SLC24A2: variants seen among roughly 807,000 people sequenced by gnomAD.
The protein encoded by SLC24A2 is sodium/potassium/calcium exchanger 2.
In SLC24A2, 36 loss-of-function variants were observed where a neutral mutation model predicts 62.0. The ratio of observed to expected loss-of-function variants is 0.58; its 90% CI spans 0.44 to 0.77. SLC24A2 has a LOEUF of 0.77. Among genes scored for constraint, SLC24A2 ranks in the 30% least tolerant of loss-of-function variants. The pLI, the probability that SLC24A2 is intolerant of heterozygous loss-of-function variation, is 0.00. For synonymous variants in SLC24A2, 358 were observed against 294.0 expected, an observed-to-expected ratio of 1.22 and a Z score of -2.23; for missense variants, 846 against 817.9, an observed-to-expected ratio of 1.03 and a Z score of -0.42.
the SLC24A2 span, among the ~76,000 whole-genome samples, chr9:19,942,923 A>G: frequency 6.6e-6 from 1 of 152,312 alleles, no homozygotes; most frequent in Non-Finnish European, 1.5e-5. Flanking sequence ...TTAGATCCAA[A>G]GAATGACCCC....
At chr9:20,128,086 T>A in the SLC24A2 span, among the ~76,000 whole-genome samples, 1 of 152,116 alleles carries the variant, frequency 6.6e-6, no homozygotes, top group African/African-American at 2.4e-5. Context: ...AATCGTGTAA[T>A]TTCAGATTGA....
chr9:19,526,216 T>C (rs557844473), intron 9 of SLC24A2, among the ~76,000 whole-genome samples: 33 of 152,358 alleles, frequency 2.2e-4, no homozygotes, highest in African/African-American at 7.7e-4. Context: ...TATTCCATTG[T>C]ATGGATATAC....
At chr9:19,741,333 G>T (rs972239235) in intron 2 of SLC24A2, among the ~76,000 whole-genome samples, 27 of 152,166 alleles carry the variant, frequency 1.8e-4, no homozygotes, top group African/African-American at 6.5e-4. Flanking sequence ...AGAAGGAAGA[G>T]GTTTGCTTCT....
Position 19,507,828 on chromosome 9 carries a change from G to A in SLC24A2, c.*8325C>T, listed in dbSNP as rs1321396414. On this transcript the variant is annotated 3_prime_UTR_variant, in exon 11 of 11. Transcript: ENST00000341998. Reference sequence around the variant, plus strand: ...TAGGGATGAGGATAGGGGTTACAATGCTCCTTTAAAACGGAGGCGAACAAA... The same window carrying A: ...TAGGGATGAGGATAGGGGTTACAATACTCCTTTAAAACGGAGGCGAACAAA... 1.3e-5 allele frequency: 2 copies of A among 152,190 alleles called. No homozygotes were observed. Among genetic ancestry groups the A allele is most frequent in the Non-Finnish European group, 1.5e-5 (1 of 68,036 alleles). 9.4% of individuals were successfully genotyped at this position (152,190 alleles called of 1,614,324 possible).
intron 2 of SLC24A2, among the ~76,000 whole-genome samples, chr9:19,701,214 A>C (rs1820347406): frequency 6.6e-6 from 1 of 152,264 alleles, no homozygotes; most frequent in Non-Finnish European, 1.5e-5. Context: ...ATCTGCATGT[A>C]CCATGACTGT....
At chr9:19,669,368 G>A (rs1046334686) in intron 2 of SLC24A2, among the ~76,000 whole-genome samples, 17 of 152,114 alleles carry the variant, frequency 1.1e-4, no homozygotes, top group Non-Finnish European at 2.2e-4. Flanking sequence ...CAATACTAAC[G>A]GCCCTAAAAT....
At chr9:19,622,437 A>C (rs1817930510) in intron 2 of SLC24A2, 138 bp from the exon 3 acceptor site, 2 of 807,024 alleles carry the variant, frequency 2.5e-6, no homozygotes, top group African/African-American at 1.7e-5. Flanking sequence ...AGTTAAGCCA[A>C]AACAGGGGAC....
At chr9:19,763,525 G>A (rs1032729764) in intron 2 of SLC24A2, among the ~76,000 whole-genome samples, 9 of 152,182 alleles carry the variant, frequency 5.9e-5, no homozygotes, top group Admixed American at 3.9e-4. Context: ...AGCATGAAGG[G>A]GTGTTGAATT....
the SLC24A2 span, among the ~76,000 whole-genome samples, chr9:20,149,386 T>C: frequency 6.6e-6 from 1 of 152,134 alleles, no homozygotes; most frequent in South Asian, 2.1e-4. Context: ...AGTTAGCAAA[T>C]AGTAACTTCC....
chr9:19,836,604 A>G, the SLC24A2 span, among the ~76,000 whole-genome samples: 1 of 152,220 alleles, frequency 6.6e-6, no homozygotes, highest in Non-Finnish European at 1.5e-5. Flanking sequence ...CCAACCAAAA[A>G]AAGTCCAGGA....
chr9:20,111,224 A>G, the SLC24A2 span, among the ~76,000 whole-genome samples: 1 of 152,138 alleles, frequency 6.6e-6, no homozygotes, highest in East Asian at 1.9e-4. Context: ...GAGAGCAGGA[A>G]GAGGGTGACA....
the SLC24A2 span, among the ~76,000 whole-genome samples, chr9:20,082,657 C>G: frequency 6.6e-6 from 1 of 152,242 alleles, no homozygotes; most frequent in Non-Finnish European, 1.5e-5. Flanking sequence ...TTTACCACTT[C>G]TTGACATTTT....
chr9:20,194,576 G>A, the SLC24A2 span, among the ~76,000 whole-genome samples: 2 of 152,096 alleles, frequency 1.3e-5, no homozygotes, highest in South Asian at 2.1e-4. Context: ...AGAAATGCCA[G>A]CAATATCAAA....
Position 19,642,999 on chromosome 9 carries a change from T to G in SLC24A2, c.931-20700A>C, listed in dbSNP as rs535896680. 2.3e-4 allele frequency among the ~76,000 whole-genome samples: 35 copies of G among 150,710 alleles called. No individual in the cohort carries two copies. The East Asian group carries it at 2.9e-3, about 13-fold the overall frequency. On this transcript the variant is annotated intron_variant, in intron 2 of 10. Coordinates refer to ENST00000341998, the MANE Select transcript of SLC24A2 (RefSeq NM_020344.4). Reference sequence around the variant, plus strand: ...CTGGCCAGTATTCTTTTTTTTTTTTTTTTTTTTTTAACATATCTGAATGAA... The same window carrying G: ...CTGGCCAGTATTCTTTTTTTTTTTTGTTTTTTTTTAACATATCTGAATGAA...
chr9:20,043,056 G>C, the SLC24A2 span, among the ~76,000 whole-genome samples: 1 of 152,086 alleles, frequency 6.6e-6, no homozygotes, highest in African/African-American at 2.4e-5. Flanking sequence ...TGGCCTGTAG[G>C]TGTTCAGGTG....
chr9:19,906,678 C>T, the SLC24A2 span, among the ~76,000 whole-genome samples: 1 of 152,068 alleles, frequency 6.6e-6, no homozygotes, highest in Non-Finnish European at 1.5e-5. Flanking sequence ...TACAAACTAC[C>T]ATCAGAGAAT....
chr9:20,263,500 C>T, the SLC24A2 span, among the ~76,000 whole-genome samples: 2 of 152,206 alleles, frequency 1.3e-5, no homozygotes, highest in African/African-American at 2.4e-5. Flanking sequence ...CCTCCCACCT[C>T]GGCCCCCCAA....
chr9:19,792,672 T>C (rs1823333796), upstream of SLC24A2, among the ~76,000 whole-genome samples: 1 of 150,796 alleles, frequency 6.6e-6, no homozygotes, highest in Non-Finnish European at 1.5e-5. Flanking sequence ...GGCGCCATTG[T>C]ACTCCAGCCT....
intron 2 of SLC24A2, among the ~76,000 whole-genome samples, chr9:19,785,376 G>C (rs141586778): frequency 0.012 from 1,821 of 152,244 alleles, 17 homozygotes; most frequent in Admixed American, 0.024. Context: ...ATCAGTTCCT[G>C]GTCAAGTGAC....
Sources: allele counts gnomAD v4.1 joint callset (sites outside exome capture counted in the v4.1 genomes callset), GRCh38; gene constraint gnomAD v4.1.1; transcripts MANE v1.5; gene names NCBI Gene and HGNC (gene_info 2026-07-23, HGNC 2026-07-21).